The following ACOX3 variants were observed in gnomAD, a reference collection of about 807,000 sequenced individuals.
The protein encoded by ACOX3 is peroxisomal acyl-coenzyme A oxidase 3.
In ACOX3, 73 loss-of-function variants were observed where a neutral mutation model predicts 81.5. The ratio of observed to expected loss-of-function variants is 0.90; its 90% CI spans 0.74 to 1.09. The LOEUF is 1.09. Among genes scored for constraint, ACOX3 ranks in the 50% least tolerant of loss-of-function variants. ACOX3 has a pLI of 0.00. For synonymous variants in ACOX3, 387 were observed against 375.1 expected (o/e 1.03, Z -0.37); for missense variants, 947 against 928.0 (o/e 1.02, Z -0.27).
chr4:8,413,886 C>A (rs901943056), intron 5 of ACOX3, among the ~76,000 whole-genome samples: 1 of 152,254 alleles, frequency 6.6e-6, no homozygotes, highest in African/African-American at 2.4e-5. Context: ...AGAGGGACAG[C>A]CACAAAGGGC....
rs1036591419 is a variant in ACOX3, at chr4:8,432,425, G to C, written c.-15+8223C>G. On this transcript the variant is annotated intron_variant, in intron 1 of 17. Transcript: ENST00000356406. The surrounding 1 kb of genome is among the most constrained non-coding windows in gnomAD (Gnocchi z 6.2). ...ATTTTTTGTATTTTTAGTAGAGACAGGTTTTCACTGTGTTAGCCAGGATAG... is the reference window on the plus strand; with the variant it reads ...ATTTTTTGTATTTTTAGTAGAGACACGTTTTCACTGTGTTAGCCAGGATAG... 4.6e-5 allele frequency among the ~76,000 whole-genome samples: 7 copies of C among 151,952 alleles called. No homozygotes were observed. In the East Asian group the frequency reaches 1.3e-3, roughly 29 times the overall value.
Position 8,416,148 on chromosome 4 carries a change from T to C in ACOX3, c.145-149A>G. 2.0e-6 allele frequency: 2 copies of C among 993,230 alleles called. No individual in the cohort carries two copies. The highest frequency in any genetic ancestry group is 1.5e-6 in the Non-Finnish European group (1 of 666,780). 61.5% of individuals were successfully genotyped at this position (993,230 alleles called of 1,614,324 possible). ...ACAGAGATATGACTATCATTCCCAA[T>C]GGACTAGAGGACTGGAGGCTTAAGA... On this transcript the variant is annotated intron_variant, in intron 2 of 17. Transcript: ENST00000356406. This position sits in a 1 kb window ranked among gnomAD's most constrained non-coding sequence, Gnocchi z 4.2.
chr4:8,391,183 G>A (rs978750281), intron 11 of ACOX3, among the ~76,000 whole-genome samples: 5 of 152,128 alleles, frequency 3.3e-5, no homozygotes, highest in African/African-American at 1.2e-4. Context: ...AAACTACTAA[G>A]GGCATTGCGC....
At chr4:8,411,816 G>T (rs999235940) in intron 5 of ACOX3, among the ~76,000 whole-genome samples, 4 of 152,316 alleles carry the variant, frequency 2.6e-5, no homozygotes, top group South Asian at 2.1e-4. Flanking sequence ...AGACCTGTCT[G>T]CTGTGCTCGC....
rs1724014583 is a variant in ACOX3, at chr4:8,432,511, G to T, written c.-15+8137C>A. 6.6e-6 allele frequency among the ~76,000 whole-genome samples: 1 copy of T among 152,154 alleles called. No homozygotes were observed. Among genetic ancestry groups the T allele is most frequent in the Non-Finnish European group, 1.5e-5 (1 of 68,034 alleles). On this transcript the variant is annotated intron_variant, in intron 1 of 17. Coordinates refer to ENST00000356406, the MANE Select transcript of ACOX3 (RefSeq NM_003501.3). This position sits in a 1 kb window ranked among gnomAD's most constrained non-coding sequence, Gnocchi z 6.2. ...GCCTCCCAATGTGCTGGGATTACAG[G>T]CGTGAGCCACCGCGCCCGGCCTGAT...
Position 8,366,790 on chromosome 4 carries a change from G to T in ACOX3, c.*171C>A. On this transcript the variant is annotated 3_prime_UTR_variant, in exon 18 of 18. Transcript: ENST00000356406. ...CCCAGATTAGTCCAGCCGGCCGGGT[G>T]CCTCCCTCCCGTCCGCCTGGGCAGT... The T allele has an allele frequency of 2.5e-6, 2 of 808,062 alleles. No individual in the cohort carries two copies. The highest frequency in any genetic ancestry group is 3.7e-6 in the Non-Finnish European group (2 of 535,548). 50.1% of individuals were successfully genotyped at this position (808,062 alleles called of 1,614,324 possible).
At position 8,384,548 on chromosome 4, in the gene ACOX3, C is replaced by G. The variant is rs1015886718; in HGVS notation, c.1538-2941G>C. Among the ~76,000 whole-genome samples the G allele has an allele frequency of 6.6e-6, 1 of 152,180 alleles. No homozygotes were observed. The highest frequency in any genetic ancestry group is 1.5e-5 in the Non-Finnish European group (1 of 68,038). ...GAATCCTGGGTCACCACGGCCTTTC[C>G]ATGTGCCTCACACCAGAAGGACTCT... On this transcript the variant is annotated intron_variant, in intron 13 of 17. Coordinates refer to ENST00000356406, the MANE Select transcript of ACOX3 (RefSeq NM_003501.3). The surrounding 1 kb of genome is among the most constrained non-coding windows in gnomAD (Gnocchi z 5.3).
the ACOX3 span, chr4:8,355,568 C>T: frequency 3.3e-5 from 5 of 152,172 alleles, no homozygotes; most frequent in African/African-American, 1.2e-4. Flanking sequence ...AACACTGAAA[C>T]GTACTCAGAG....
Position 8,366,788 on chromosome 4 carries a change from G to T in ACOX3, c.*173C>A. 1.3e-6 allele frequency: 1 copy of T among 790,088 alleles called. No homozygotes were observed. Among genetic ancestry groups the T allele is most frequent in the African/African-American group, 1.7e-5 (1 of 57,686 alleles). The allele number at this position is 790,088 out of a possible 1,614,324, so 48.9% of individuals were successfully genotyped here. ...ATCCCAGATTAGTCCAGCCGGCCGG[G>T]TGCCTCCCTCCCGTCCGCCTGGGCA... is the stretch of plus-strand genomic sequence containing the variant. On this transcript the variant is annotated 3_prime_UTR_variant, in exon 18 of 18. Coordinates refer to ENST00000356406, the MANE Select transcript of ACOX3 (RefSeq NM_003501.3).
intron 7 of ACOX3, among the ~76,000 whole-genome samples, chr4:8,404,245 C>T (rs954118217): frequency 6.6e-6 from 1 of 152,208 alleles, no homozygotes; most frequent in Non-Finnish European, 1.5e-5. Flanking sequence ...TGCCAAGCGC[C>T]TCCCAGGCAC....
downstream of ACOX3, among the ~76,000 whole-genome samples, chr4:8,362,550 T>C (rs1715249590): frequency 6.6e-6 from 1 of 152,246 alleles, no homozygotes. Flanking sequence ...AAAAACTGGT[T>C]ATTTTACCAA....
chr4:8,409,403 C>A (rs918752627), intron 6 of ACOX3, among the ~76,000 whole-genome samples: 1 of 122,684 alleles, frequency 8.2e-6, no homozygotes, highest in Non-Finnish European at 1.8e-5. Flanking sequence ...CTGCGGGATA[C>A]ACTGTGGGTG....
chr4:8,393,639 A>ACG (rs1386075676), intron 10 of ACOX3, among the ~76,000 whole-genome samples: 15 of 44,664 alleles, frequency 3.4e-4, no homozygotes, highest in African/African-American at 1.2e-3. Context: ...ACACACACGC[A>ACG]CACACACACA....
chr4:8,379,074 G>A (rs537530338), intron 14 of ACOX3, among the ~76,000 whole-genome samples: 1 of 152,324 alleles, frequency 6.6e-6, no homozygotes, highest in Non-Finnish European at 1.5e-5. Context: ...CTCCGTCGGC[G>A]ACATGTTACG....
chr4:8,394,647 A>G lies in ACOX3; in HGVS notation c.1152T>C (p.Leu384=). The change falls in exon 10 of 18, where the codon CTT becomes CTC. Residue 384 remains leucine, a synonymous_variant. Coordinates refer to ENST00000356406, the MANE Select transcript of ACOX3 (RefSeq NM_003501.3). This position sits in a 1 kb window ranked among gnomAD's most constrained non-coding sequence, Gnocchi z 5.9. ...FLDLVELQRG[L]ASGDRSARQA... is the part of the protein sequence containing the mutation. ...GTCTGGCGCTGCGGTCTCCCGATGC[A>G]AGTCCTCGCTGGAGCTCCACCAGGT... The G allele has an allele frequency of 1.2e-6, 2 of 1,613,814 alleles. No homozygotes were observed. The highest frequency in any genetic ancestry group is 1.7e-6 in the Non-Finnish European group (2 of 1,179,994).
At chr4:8,413,574 T>C (rs1370112502) in intron 5 of ACOX3, among the ~76,000 whole-genome samples, 613 of 51,468 alleles carry the variant, frequency 0.012, no homozygotes, top group South Asian at 0.016. Context: ...TCACTGCACC[T>C]CTGCGCCCCT....
chr4:8,374,543 AAACTTTGGTTTAGCCT>A (rs2108799522), intron 15 of ACOX3: 1 of 163,214 alleles, frequency 6.1e-6, no homozygotes, highest in East Asian at 1.8e-4. Flanking sequence ...AAAAGTTGAC[AAACTTTGGTTTAGCCT>A]ATTCCCACCA....
chr4:8,418,134 A>C (rs979342297), intron 1 of ACOX3, among the ~76,000 whole-genome samples: 6 of 152,206 alleles, frequency 3.9e-5, no homozygotes, highest in African/African-American at 1.4e-4. Context: ...CTTCCCAAAA[A>C]CAGAAGAGAA....
At chr4:8,411,264 G>A (rs1414996148) in intron 5 of ACOX3, among the ~76,000 whole-genome samples, 1 of 152,256 alleles carries the variant, frequency 6.6e-6, no homozygotes, top group Non-Finnish European at 1.5e-5. Flanking sequence ...ACTGCTAGGG[G>A]CTGTCGTGGC....
Sources: gnomAD v4.1 joint callset for allele counts (sites outside exome capture counted in the v4.1 genomes callset) on GRCh38, gnomAD v4.1.1 for gene constraint, Gnocchi (gnomAD v3.1) non-coding constraint, MANE v1.5 for transcripts, NCBI Gene and HGNC (gene_info 2026-07-23, HGNC 2026-07-21) for gene names.